The following NRXN3 variants were observed in gnomAD, a reference collection of about 807,000 sequenced individuals.
NRXN3 encodes the protein neurexin 3.
In NRXN3, 32 loss-of-function variants were observed where a neutral mutation model predicts 137.6. That is an observed-to-expected ratio of 0.23 (90% confidence interval 0.18 to 0.31). The LOEUF (loss-of-function observed/expected upper bound fraction) is 0.31, where lower values mean the gene tolerates loss of function less well. Among genes scored for constraint, NRXN3 ranks in the 10% least tolerant of loss-of-function variants. The pLI is 1.00. For missense variants in NRXN3, 1,574 were observed against 2,062.5 expected, an observed-to-expected ratio of 0.76 and a Z score of 4.59; for synonymous variants, 798 against 784.5, an observed-to-expected ratio of 1.02 and a Z score of -0.29.
chr14:79,246,141 G>A (rs2075148223), intron 15 of NRXN3, among the ~76,000 whole-genome samples: 1 of 152,008 alleles, frequency 6.6e-6, no homozygotes, highest in Non-Finnish European at 1.5e-5. Context: ...ACACTGTAAG[G>A]GACACTTTTC....
chr14:79,225,755 G>A (rs902810770), intron 15 of NRXN3, among the ~76,000 whole-genome samples: 1 of 152,020 alleles, frequency 6.6e-6, no homozygotes, highest in Non-Finnish European at 1.5e-5. Flanking sequence ...TGTCTCTGAG[G>A]CAAATGTTTT....
At chr14:78,340,910 A>G (rs924443772) in intron 4 of NRXN3, among the ~76,000 whole-genome samples, 2 of 152,218 alleles carry the variant, frequency 1.3e-5, no homozygotes, top group African/African-American at 4.8e-5. Flanking sequence ...TGCTTAGCCC[A>G]AATAAACGAT....
rs368554948 is a variant in NRXN3, at chr14:79,470,901, AGTGT to A, written c.3444+3515_3444+3518del. ...GAGAGAGAGAGAAAGAGAGAGAGAG[AGTGT>A]GTGTGTGTGTGTGTGAGAGAGAGAG... On this transcript the variant is annotated intron_variant, in intron 16 of 20. Transcript: ENST00000335750. Among the ~76,000 whole-genome samples the A allele has an allele frequency of 5.3e-3, 626 of 118,044 alleles. 7 individuals are homozygous for A. The highest frequency in any genetic ancestry group is 0.023 in the African/African-American group (572 of 25,350). 77.4% of individuals were successfully genotyped at this position (118,044 alleles called of 152,430 possible).
chr14:79,263,778 G>T (rs979486547), intron 15 of NRXN3, among the ~76,000 whole-genome samples: 1 of 152,126 alleles, frequency 6.6e-6, no homozygotes, highest in African/African-American at 2.4e-5. Flanking sequence ...TTTTGGAAAG[G>T]AGTTTTTATC....
At chr14:79,352,850 C>T (rs990076212) in intron 15 of NRXN3, among the ~76,000 whole-genome samples, 5 of 152,176 alleles carry the variant, frequency 3.3e-5, no homozygotes, top group African/African-American at 1.2e-4. Context: ...AGTTCAGAAG[C>T]TCAAAATTTG....
chr14:78,204,060 A>G (rs2061955080), intron 1 of NRXN3, among the ~76,000 whole-genome samples: 1 of 152,150 alleles, frequency 6.6e-6, no homozygotes, highest in East Asian at 1.9e-4. Context: ...ACAGAGATGT[A>G]ACAATTTACT....
intron 15 of NRXN3, among the ~76,000 whole-genome samples, chr14:79,194,859 CT>C (rs1296464157): frequency 3.9e-5 from 6 of 152,146 alleles, no homozygotes; most frequent in African/African-American, 9.6e-5. Flanking sequence ...TTCTCAGCTT[CT>C]GCCTGTAAGA....
intron 15 of NRXN3, among the ~76,000 whole-genome samples, chr14:79,301,016 C>G (rs1302915715): frequency 6.6e-6 from 1 of 152,100 alleles, no homozygotes; most frequent in Middle Eastern, 3.2e-3. Flanking sequence ...GCCTTTGCTC[C>G]ACAAGCACAT....
intron 6 of NRXN3, among the ~76,000 whole-genome samples, chr14:78,664,649 T>C (rs2097866622): frequency 1.3e-5 from 2 of 152,236 alleles, no homozygotes; most frequent in African/African-American, 4.8e-5. Context: ...CTGCTTAAGT[T>C]AGAAGTACTT....
intron 4 of NRXN3, among the ~76,000 whole-genome samples, chr14:78,441,091 G>C (rs1297479191): frequency 6.6e-6 from 1 of 152,160 alleles, no homozygotes; most frequent in Non-Finnish European, 1.5e-5. Flanking sequence ...GTCAGGGGCA[G>C]AATTACCCAG....
intron 16 of NRXN3, among the ~76,000 whole-genome samples, chr14:79,500,251 A>AAAC (rs2096810577): frequency 7.0e-6 from 1 of 142,526 alleles, no homozygotes; most frequent in Non-Finnish European, 1.5e-5. Context: ...AAAAAAAAAA[A>AAAC]AAAAACCCAT....
At chr14:79,708,110 G>T (rs942209386) in intron 19 of NRXN3, among the ~76,000 whole-genome samples, 1 of 137,996 alleles carries the variant, frequency 7.2e-6, no homozygotes, top group Non-Finnish European at 1.5e-5. Context: ...CTCTGCATAT[G>T]TGGGATTGCA....
At chr14:78,706,121 ACCT>A (rs2098345507) in intron 6 of NRXN3, among the ~76,000 whole-genome samples, 1 of 152,108 alleles carries the variant, frequency 6.6e-6, no homozygotes, top group Non-Finnish European at 1.5e-5. Flanking sequence ...ATGGAGCCAA[ACCT>A]CCTTCTGTCC....
At chr14:78,506,761 C>G (rs1402442846) in intron 4 of NRXN3, among the ~76,000 whole-genome samples, 1 of 149,064 alleles carries the variant, frequency 6.7e-6, no homozygotes, top group African/African-American at 2.5e-5. Flanking sequence ...CCCTAAATTC[C>G]TGGGCTCAAG....
At chr14:78,975,563 C>T (rs1189385122) in intron 14 of NRXN3, among the ~76,000 whole-genome samples, 1 of 152,070 alleles carries the variant, frequency 6.6e-6, no homozygotes, top group Middle Eastern at 3.2e-3. Context: ...TTCATTTTAT[C>T]AGGATCACTC....
At chr14:79,082,051 A>T (rs1436732560) in intron 15 of NRXN3, among the ~76,000 whole-genome samples, 2 of 139,244 alleles carry the variant, frequency 1.4e-5, no homozygotes, top group Non-Finnish European at 3.0e-5. Context: ...ATGTGTATAC[A>T]TATATATGTT....
At chr14:79,189,591 C>T (rs1039360760) in intron 15 of NRXN3, among the ~76,000 whole-genome samples, 1 of 152,044 alleles carries the variant, frequency 6.6e-6, no homozygotes, top group Non-Finnish European at 1.5e-5. Context: ...GCCCCTTTCA[C>T]TGTTCTGCCC....
Position 78,741,852 on chromosome 14 carries a change from G to A in NRXN3, c.2044+26713G>A, listed in dbSNP as rs569569975. Among the ~76,000 whole-genome samples, 8 of 152,094 alleles carry A rather than the reference G, an allele frequency of 5.3e-5. No homozygotes were observed. In the East Asian group the frequency reaches 7.7e-4, roughly 15 times the overall value. On this transcript the variant is annotated intron_variant, in intron 8 of 20. Transcript: ENST00000335750. ...ATAGGTTAGATGCTAATTTGCCTGC[G>A]GTGCCTACAGAAGTTATCAGTGACA...
chr14:79,191,678 G>A (rs923761953), intron 15 of NRXN3, among the ~76,000 whole-genome samples: 2 of 152,024 alleles, frequency 1.3e-5, no homozygotes, highest in Non-Finnish European at 2.9e-5. Context: ...TGTGACATAC[G>A]ACTCTGAAAT....
Sources: gnomAD v4.1 joint callset for allele counts (sites outside exome capture counted in the v4.1 genomes callset) on GRCh38, gnomAD v4.1.1 for gene constraint, MANE v1.5 for transcripts, NCBI Gene and HGNC (gene_info 2026-07-23, HGNC 2026-07-21) for gene names.